RSRC1: variants seen among roughly 807,000 people sequenced by gnomAD.
RSRC1 encodes the protein arginine and serine rich coiled-coil 1, also known as serine/Arginine-related protein 53.
A neutral mutation model predicts 49.1 loss-of-function variants in RSRC1; 39 were observed. That is an observed-to-expected ratio of 0.79 (90% CI 0.61 to 1.04). RSRC1 has a LOEUF of 1.04. Among genes scored for constraint, RSRC1 ranks in the 50% least tolerant of loss-of-function variants. The pLI is 0.00. For missense variants in RSRC1, 388 were observed against 402.4 expected, an observed-to-expected ratio of 0.96 and a Z score of 0.31; for synonymous variants, 143 against 130.8, an observed-to-expected ratio of 1.09 and a Z score of -0.63.
At chr3:158,377,546 C>T (rs975008165) in intron 6 of RSRC1, among the ~76,000 whole-genome samples, 4 of 152,128 alleles carry the variant, frequency 2.6e-5, no homozygotes, top group African/African-American at 9.7e-5. Context: ...ATACTGACTC[C>T]CCCTTTCCTG....
At chr3:158,435,181 A>T (rs1344824725) in intron 6 of RSRC1, among the ~76,000 whole-genome samples, 1 of 151,804 alleles carries the variant, frequency 6.6e-6, no homozygotes, top group East Asian at 1.9e-4. Flanking sequence ...TATTTTTTTA[A>T]AATTTGTGTT....
At chr3:158,514,604 A>G (rs9683214) in intron 7 of RSRC1, among the ~76,000 whole-genome samples, 78,363 of 151,640 alleles carry the variant, frequency 0.52, 20,702 homozygotes, top group African/African-American at 0.62. Flanking sequence ...TTGATTTGGG[A>G]TGGAGAGTTC....
At chr3:158,148,409 A>T (rs1159705768) in intron 3 of RSRC1, among the ~76,000 whole-genome samples, 3 of 151,500 alleles carry the variant, frequency 2.0e-5, no homozygotes, top group Non-Finnish European at 4.4e-5. Flanking sequence ...GTGTAACTGG[A>T]AGCCTTAGAC....
chr3:158,427,607 A>G (rs2108350666), intron 6 of RSRC1, among the ~76,000 whole-genome samples: 1 of 151,816 alleles, frequency 6.6e-6, no homozygotes, highest in East Asian at 1.9e-4. Flanking sequence ...TGTACTAGAG[A>G]GTTCAGAAAG....
intron 7 of RSRC1, among the ~76,000 whole-genome samples, chr3:158,477,085 G>T (rs1738398675): frequency 6.6e-6 from 1 of 152,114 alleles, no homozygotes; most frequent in Non-Finnish European, 1.5e-5. Context: ...CTGAGTGACT[G>T]CAGTTTCATG....
chr3:158,494,213 G>A (rs142626741), intron 7 of RSRC1, among the ~76,000 whole-genome samples: 7 of 152,116 alleles, frequency 4.6e-5, no homozygotes, highest in African/African-American at 1.2e-4. Context: ...GGTATAGCCC[G>A]CTGCTCCTAG....
At chr3:158,190,837 T>G (rs944061670) in intron 3 of RSRC1, among the ~76,000 whole-genome samples, 2 of 152,048 alleles carry the variant, frequency 1.3e-5, no homozygotes, top group African/African-American at 4.8e-5. Flanking sequence ...TAGACAATAC[T>G]GTGGATGGAC....
At chr3:158,211,658 C>T (rs565029578) in intron 4 of RSRC1, among the ~76,000 whole-genome samples, 5 of 152,018 alleles carry the variant, frequency 3.3e-5, no homozygotes, top group South Asian at 4.2e-4. Context: ...TTGATCATCT[C>T]AAGTCATTTA....
Position 158,414,398 on chromosome 3 carries a change from C to T in RSRC1, c.584-46537C>T, listed in dbSNP as rs544572172. 1.3e-3 allele frequency among the ~76,000 whole-genome samples: 192 copies of T among 151,828 alleles called. 1 individual carries two copies. The highest frequency in any genetic ancestry group is 2.3e-3 in the Non-Finnish European group (154 of 67,904). On this transcript the variant is annotated intron_variant, in intron 6 of 9. Coordinates refer to ENST00000611884, the MANE Select transcript of RSRC1 (RefSeq NM_001271838.2). ...GGGAACAACACACACTGGGGCCTGTCGGGGGTCAGGGAGAAGGAGAACATC... is the reference window on the plus strand; with the variant it reads ...GGGAACAACACACACTGGGGCCTGTTGGGGGTCAGGGAGAAGGAGAACATC...
At chr3:158,451,343 A>G (rs1274752935) in intron 6 of RSRC1, among the ~76,000 whole-genome samples, 1 of 151,988 alleles carries the variant, frequency 6.6e-6, no homozygotes, top group African/African-American at 2.4e-5. Flanking sequence ...ACTTGGGAGG[A>G]GCTGATATTA....
chr3:158,189,091 A>G (rs904961149), intron 3 of RSRC1, among the ~76,000 whole-genome samples: 3 of 151,832 alleles, frequency 2.0e-5, no homozygotes, highest in African/African-American at 4.8e-5. Flanking sequence ...ATATATAAAC[A>G]TATATTACTT....
chr3:158,296,537 A>G (rs1727251481), intron 4 of RSRC1, among the ~76,000 whole-genome samples: 2 of 152,086 alleles, frequency 1.3e-5, no homozygotes, highest in African/African-American at 4.8e-5. Flanking sequence ...TAAGTTATAC[A>G]AATAACTATA....
chr3:158,305,049 G>A (rs1244471099), intron 5 of RSRC1, among the ~76,000 whole-genome samples: 1 of 152,036 alleles, frequency 6.6e-6, no homozygotes, highest in African/African-American at 2.4e-5. Context: ...CCGTTTCTCT[G>A]ATACATTTTG....
intron 6 of RSRC1, 168 bp downstream of exon 6, chr3:158,355,076 G>C: frequency 2.2e-6 from 1 of 455,428 alleles, no homozygotes; most frequent in Non-Finnish European, 3.9e-6. Flanking sequence ...AATATTTATT[G>C]CCGCAGTATA....
intron 5 of RSRC1, among the ~76,000 whole-genome samples, chr3:158,316,570 G>T (rs1041892475): frequency 6.7e-6 from 1 of 148,436 alleles, no homozygotes; most frequent in African/African-American, 2.5e-5. Context: ...TCAGCCTCCC[G>T]AGTAGCTGGG....
chr3:158,510,537 G>C (rs1210971264), intron 7 of RSRC1, among the ~76,000 whole-genome samples: 1 of 151,776 alleles, frequency 6.6e-6, no homozygotes, highest in South Asian at 2.1e-4. Flanking sequence ...GTATATAGTA[G>C]GTGTATAAAT....
At chr3:158,204,123 G>A (rs1305886367) in intron 4 of RSRC1, among the ~76,000 whole-genome samples, 2 of 152,054 alleles carry the variant, frequency 1.3e-5, no homozygotes, top group Non-Finnish European at 2.9e-5. Context: ...ATGTTGAAGA[G>A]TTTACTAGGA....
At chr3:158,358,953 A>ACACAC (rs1430134198) in intron 6 of RSRC1, among the ~76,000 whole-genome samples, 4,333 of 144,282 alleles carry the variant, frequency 0.03, 102 homozygotes, top group Non-Finnish European at 0.045. Context: ...CACACACACA[A>ACACAC]CTTATTAATC....
intron 4 of RSRC1, among the ~76,000 whole-genome samples, chr3:158,279,728 G>C (rs1726025374): frequency 6.6e-6 from 1 of 152,180 alleles, no homozygotes; most frequent in Non-Finnish European, 1.5e-5. Flanking sequence ...TAAAACAAAA[G>C]TCTTTCTTAT....
Sources: gnomAD v4.1 joint callset for allele counts (sites outside exome capture counted in the v4.1 genomes callset) on GRCh38, gnomAD v4.1.1 for gene constraint, MANE v1.5 for transcripts, NCBI Gene and HGNC (gene_info 2026-07-23, HGNC 2026-07-21) for gene names.